The following UBAP2 variants were observed in gnomAD, a reference collection of about 807,000 sequenced individuals.
The protein encoded by UBAP2 is ubiquitin-associated protein 2.
UBAP2 carries 75 observed loss-of-function variants against 139.6 expected under a neutral mutation model. That is an observed-to-expected ratio of 0.54 (90% CI 0.45 to 0.65). The LOEUF is 0.65. UBAP2 is among the 30% of genes least tolerant of loss of function. The probability of loss-of-function intolerance (pLI) is 0.00; values close to 1 mark genes in which losing one functional copy is unlikely to be tolerated. For missense variants in UBAP2, 1,368 were observed against 1,369.6 expected, an observed-to-expected ratio of 1.00 and a Z score of 0.02; for synonymous variants, 526 against 526.2, an observed-to-expected ratio of 1.00 and a Z score of 0.01.
intron 1 of UBAP2, among the ~76,000 whole-genome samples, chr9:34,023,002 G>A (rs1172830193): frequency 5.3e-5 from 8 of 152,054 alleles, no homozygotes; most frequent in African/African-American, 1.4e-4. Flanking sequence ...CGAGGCAGGC[G>A]GATCACGAGG....
intron 6 of UBAP2, among the ~76,000 whole-genome samples, chr9:33,980,530 C>T (rs948230227): frequency 2.6e-5 from 4 of 151,732 alleles, no homozygotes; most frequent in Non-Finnish European, 5.9e-5. Context: ...CGTGAGCCAC[C>T]GCACCCGGCG....
chr9:33,924,132 G>A (rs1564013570), intron 23 of UBAP2, 74 bp downstream of exon 23: 1 of 1,592,054 alleles, frequency 6.3e-7, no homozygotes, highest in Non-Finnish European at 8.6e-7. Flanking sequence ...TCAGCTTGCT[G>A]TTGCTGCTTC....
intron 3 of UBAP2, 158 bp downstream of exon 3, chr9:33,998,629 G>A (rs1387533578): frequency 3.5e-6 from 2 of 577,792 alleles, no homozygotes. Flanking sequence ...ACCAATAAAG[G>A]TATTTTTAAT....
chr9:34,019,338 G>A (rs1396724251), intron 1 of UBAP2, among the ~76,000 whole-genome samples: 1 of 152,144 alleles, frequency 6.6e-6, no homozygotes, highest in African/African-American at 2.4e-5. Context: ...AAGAGGCGGA[G>A]GTTGCAGTGA....
Position 33,933,636 on chromosome 9 carries a change from A to G in UBAP2, c.1970-8T>C. The G allele has an allele frequency of 1.2e-6, 2 of 1,613,400 alleles. No individual in the cohort carries two copies. The highest frequency in any genetic ancestry group is 1.7e-5 in the Admixed American group (1 of 60,002). On this transcript the variant is annotated splice_polypyrimidine_tract_variant and splice_region_variant and intron_variant, in intron 17 of 28. Coordinates refer to ENST00000379238, the MANE Select transcript of UBAP2 (RefSeq NM_001370062.2). ...GGCCTGTTGTCTTTGGAGCTGGAAC[A>G]GATGAAGTAGCTGTAAGAAGCAGAT...
chr9:33,984,471 T>C (rs1318408234), intron 6 of UBAP2, among the ~76,000 whole-genome samples: 1 of 151,894 alleles, frequency 6.6e-6, no homozygotes, highest in Non-Finnish European at 1.5e-5. Context: ...CAGACCAACC[T>C]GGGCAACATT....
At chr9:33,977,898 C>T (rs745472355) in intron 6 of UBAP2, among the ~76,000 whole-genome samples, 1 of 151,008 alleles carries the variant, frequency 6.6e-6, no homozygotes, top group Non-Finnish European at 1.5e-5. Context: ...CTCTGTAGTC[C>T]CAGCTTCTCG....
At chr9:33,988,864 G>A (rs983584578) in intron 5 of UBAP2, 109 bp downstream of exon 5, 1 of 1,216,054 alleles carries the variant, frequency 8.2e-7, no homozygotes, top group Admixed American at 2.4e-5. Flanking sequence ...ATTTGAGAAA[G>A]CTGAGCGCAG....
intron 6 of UBAP2, among the ~76,000 whole-genome samples, chr9:33,978,668 T>C (rs1215822509): frequency 6.6e-6 from 1 of 151,830 alleles, no homozygotes; most frequent in Non-Finnish European, 1.5e-5. Flanking sequence ...TAGTCCCAAC[T>C]ATTCGGGAGG....
At chr9:34,015,197 C>T (rs1031261484) in intron 2 of UBAP2, among the ~76,000 whole-genome samples, 1 of 152,192 alleles carries the variant, frequency 6.6e-6, no homozygotes, top group South Asian at 2.1e-4. Flanking sequence ...TAGTCAATAA[C>T]ATGTATATAA....
chr9:33,953,013 G>A (rs895577376), intron 12 of UBAP2, among the ~76,000 whole-genome samples: 3 of 151,986 alleles, frequency 2.0e-5, no homozygotes, highest in African/African-American at 7.3e-5. Flanking sequence ...GAGACTACAG[G>A]CACACAACAC....
At chr9:33,986,519 C>G (rs1457955981) in intron 6 of UBAP2, among the ~76,000 whole-genome samples, 1 of 152,118 alleles carries the variant, frequency 6.6e-6, no homozygotes, top group Non-Finnish European at 1.5e-5. Context: ...TTGGTTAGAG[C>G]TTTAAGTTTT....
intron 6 of UBAP2, among the ~76,000 whole-genome samples, chr9:33,985,745 G>A (rs1821152489): frequency 6.6e-6 from 1 of 152,120 alleles, no homozygotes; most frequent in South Asian, 2.1e-4. Flanking sequence ...TTCTAGGCCG[G>A]GCTCGGTGGC....
At chr9:33,929,287 G>C (rs1286260920) in intron 19 of UBAP2, among the ~76,000 whole-genome samples, 1 of 152,216 alleles carries the variant, frequency 6.6e-6, no homozygotes. Flanking sequence ...ACTAGGTCCT[G>C]ACTTGCTGAA....
intron 1 of UBAP2, among the ~76,000 whole-genome samples, chr9:34,029,281 C>T (rs1244981710): frequency 6.6e-6 from 1 of 151,760 alleles, no homozygotes; most frequent in Non-Finnish European, 1.5e-5. Context: ...TAATCCAGCA[C>T]TTTGGGAGGC....
At chr9:33,981,766 G>C (rs1820777391) in intron 6 of UBAP2, among the ~76,000 whole-genome samples, 1 of 147,128 alleles carries the variant, frequency 6.8e-6, no homozygotes, top group Non-Finnish European at 1.5e-5. Flanking sequence ...AAGGTAGGTA[G>C]GTAGGTAGGA....
At chr9:33,984,556 T>C (rs1203695715) in intron 6 of UBAP2, among the ~76,000 whole-genome samples, 2 of 151,808 alleles carry the variant, frequency 1.3e-5, no homozygotes, top group East Asian at 1.9e-4. Context: ...CTCATGCCTA[T>C]AGTCCCAGCT....
At chr9:33,995,457 AAT>A (rs1491124570) in intron 4 of UBAP2, 6 of 138,780 alleles carry the variant, frequency 4.3e-5, no homozygotes, top group East Asian at 2.0e-4. Context: ...TATTATATAT[AAT>A]ATATATTAAA....
chr9:33,935,169 G>T (rs926396937), intron 17 of UBAP2, among the ~76,000 whole-genome samples: 1 of 144,866 alleles, frequency 6.9e-6, no homozygotes, highest in African/African-American at 2.5e-5. Flanking sequence ...GTGGCGGGGG[G>T]GGGGGGTCTC....
Sources: allele counts gnomAD v4.1 joint callset (sites outside exome capture counted in the v4.1 genomes callset), GRCh38; gene constraint gnomAD v4.1.1; transcripts MANE v1.5; gene names NCBI Gene and HGNC (gene_info 2026-07-23, HGNC 2026-07-21).